The following PPARGC1A variants were observed in gnomAD, a reference collection of about 807,000 sequenced individuals.
PPARGC1A encodes the protein peroxisome proliferator-activated receptor gamma coactivator 1-alpha.
In PPARGC1A, 25 loss-of-function variants were observed where a neutral mutation model predicts 88.7. The observed-to-expected ratio is 0.28, with a 90% CI of 0.21 to 0.39. The LOEUF is 0.39. Among genes scored for constraint, PPARGC1A ranks in the 10% least tolerant of loss-of-function variants. The probability of loss-of-function intolerance (pLI) is 1.00; values close to 1 mark genes in which losing one functional copy is unlikely to be tolerated. For synonymous variants in PPARGC1A, 363 were observed against 355.6 expected (o/e 1.02, Z -0.24); for missense variants, 880 against 968.7 (o/e 0.91, Z 1.22).
chr4:24,073,449 C>T, the PPARGC1A span, among the ~76,000 whole-genome samples: 4 of 152,178 alleles, frequency 2.6e-5, no homozygotes, highest in African/African-American at 4.8e-5. Context: ...TGTGCACAAG[C>T]ACTGTTCTTA....
chr4:23,869,511 A>G (rs1428906181), intron 2 of PPARGC1A, among the ~76,000 whole-genome samples: 2 of 152,302 alleles, frequency 1.3e-5, no homozygotes, highest in Non-Finnish European at 2.9e-5. Flanking sequence ...CAGCTACAGC[A>G]TTCCCTAGGT....
the PPARGC1A span, among the ~76,000 whole-genome samples, chr4:24,395,750 G>A: frequency 0.037 from 5,672 of 152,132 alleles, 377 homozygotes; most frequent in African/African-American, 0.13. Context: ...TCCAACTCAC[G>A]GAAGAGGAAG....
chr4:23,890,398 C>T (rs70937061), upstream of PPARGC1A, among the ~76,000 whole-genome samples: 130 of 151,950 alleles, frequency 8.6e-4, 5 homozygotes, highest in East Asian at 0.023. Context: ...ATTTTCCTTC[C>T]AAAACAAGCA....
At chr4:24,279,514 C>T in the PPARGC1A span, among the ~76,000 whole-genome samples, 3 of 152,092 alleles carry the variant, frequency 2.0e-5, no homozygotes, top group Non-Finnish European at 4.4e-5. Context: ...TGTAGAGAGG[C>T]AAGCATTTGT....
the PPARGC1A span, among the ~76,000 whole-genome samples, chr4:24,425,668 A>G: frequency 1.3e-5 from 2 of 152,234 alleles, no homozygotes; most frequent in African/African-American, 4.8e-5. Flanking sequence ...CATGGCCAAT[A>G]TAACGAAGCC....
the PPARGC1A span, among the ~76,000 whole-genome samples, chr4:24,321,564 G>A: frequency 6.6e-6 from 1 of 152,166 alleles, no homozygotes; most frequent in Non-Finnish European, 1.5e-5. Flanking sequence ...TCTTCGCAGC[G>A]CTACCCTGCC....
At chr4:24,449,436 T>C in the PPARGC1A span, among the ~76,000 whole-genome samples, 4 of 152,266 alleles carry the variant, frequency 2.6e-5, no homozygotes, top group Non-Finnish European at 5.9e-5. Flanking sequence ...GGAATCTTTA[T>C]AGCACTTCTC....
At chr4:23,899,692 A>T (rs879322035), upstream of PPARGC1A, among the ~76,000 whole-genome samples, 3 of 152,200 alleles carry the variant, frequency 2.0e-5, no homozygotes, top group Non-Finnish European at 2.9e-5. Flanking sequence ...TTATAATTCC[A>T]CTTCTATAAA....
chr4:23,962,100 A>G, the PPARGC1A span, among the ~76,000 whole-genome samples: 3 of 151,834 alleles, frequency 2.0e-5, no homozygotes, highest in African/African-American at 7.3e-5. Flanking sequence ...CCCATCTTCC[A>G]TAACCCCTCT....
the PPARGC1A span, among the ~76,000 whole-genome samples, chr4:24,272,631 C>T: frequency 6.6e-6 from 1 of 152,212 alleles, no homozygotes; most frequent in Non-Finnish European, 1.5e-5. Flanking sequence ...CATATTTGCA[C>T]AACTCTTCCA....
the PPARGC1A span, among the ~76,000 whole-genome samples, chr4:24,045,263 A>G: frequency 4.6e-5 from 7 of 152,302 alleles, no homozygotes; most frequent in Admixed American, 4.6e-4. Flanking sequence ...ATTGTAATAT[A>G]AATATATTTT....
At chr4:24,165,493 C>G in the PPARGC1A span, among the ~76,000 whole-genome samples, 1 of 152,158 alleles carries the variant, frequency 6.6e-6, no homozygotes, top group African/African-American at 2.4e-5. Flanking sequence ...TTTGCTTTAT[C>G]ACACTTCCCA....
At chr4:24,442,764 G>T in the PPARGC1A span, among the ~76,000 whole-genome samples, 1 of 152,158 alleles carries the variant, frequency 6.6e-6, no homozygotes, top group Non-Finnish European at 1.5e-5. Context: ...GTTAGAGATG[G>T]TATGCTAAAT....
At chr4:24,167,004 A>G in the PPARGC1A span, among the ~76,000 whole-genome samples, 1 of 152,256 alleles carries the variant, frequency 6.6e-6, no homozygotes, top group East Asian at 1.9e-4. Flanking sequence ...ATAAAGCTAT[A>G]GTGGCCATAC....
the PPARGC1A span, among the ~76,000 whole-genome samples, chr4:23,974,382 C>T: frequency 2.0e-5 from 3 of 152,086 alleles, no homozygotes; most frequent in Admixed American, 6.5e-5. Flanking sequence ...ATTCTTTGCA[C>T]GTGTTATTTT....
the PPARGC1A span, among the ~76,000 whole-genome samples, chr4:24,165,672 G>C: frequency 6.6e-6 from 1 of 152,142 alleles, no homozygotes; most frequent in Non-Finnish European, 1.5e-5. Flanking sequence ...CTGTTAAGGT[G>C]ATCTGTGATC....
chr4:23,917,300 C>A, the PPARGC1A span, among the ~76,000 whole-genome samples: 1 of 152,084 alleles, frequency 6.6e-6, no homozygotes, highest in Non-Finnish European at 1.5e-5. Flanking sequence ...AGTTATATTA[C>A]ACCACTGCCC....
At chr4:24,083,274 C>G in the PPARGC1A span, among the ~76,000 whole-genome samples, 1 of 152,132 alleles carries the variant, frequency 6.6e-6, no homozygotes, top group South Asian at 2.1e-4. Context: ...CCTAACTGAG[C>G]TATAGCTTTT....
the PPARGC1A span, among the ~76,000 whole-genome samples, chr4:23,973,462 T>C: frequency 1.3e-5 from 2 of 152,204 alleles, no homozygotes; most frequent in African/African-American, 4.8e-5. Flanking sequence ...TGCTATGAAA[T>C]TGCACACAAA....
Sources: gnomAD v4.1 joint callset for allele counts (sites outside exome capture counted in the v4.1 genomes callset) on GRCh38, gnomAD v4.1.1 for gene constraint, MANE v1.5 for transcripts, NCBI Gene and HGNC (gene_info 2026-07-23, HGNC 2026-07-21) for gene names.